Variants in MRTFA observed in about 807,000 individuals in gnomAD.
MRTFA encodes the protein myocardin-related transcription factor A.
Under a neutral mutation model 83.5 loss-of-function variants are expected in MRTFA, and 20 were observed. That is an observed-to-expected ratio of 0.24 (90% CI 0.17 to 0.35). The LOEUF (loss-of-function observed/expected upper bound fraction) is 0.35, where lower values mean the gene tolerates loss of function less well. Among genes scored for constraint, MRTFA ranks in the 10% least tolerant of loss-of-function variants. The probability of loss-of-function intolerance (pLI) is 1.00; values close to 1 mark genes in which losing one functional copy is unlikely to be tolerated. For missense variants in MRTFA, 1,200 were observed against 1,224.7 expected, an observed-to-expected ratio of 0.98 and a Z score of 0.30; for synonymous variants, 659 against 541.2, an observed-to-expected ratio of 1.22 and a Z score of -3.02.
chr22:40,461,731 G>A (rs945157784), intron 4 of MRTFA, among the ~76,000 whole-genome samples: 2 of 151,690 alleles, frequency 1.3e-5, no homozygotes, highest in Admixed American at 6.6e-5. Context: ...CCCGGGAGGC[G>A]GAGCTTGCAG....
intron 3 of MRTFA, among the ~76,000 whole-genome samples, chr22:40,481,952 C>T (rs1013000962): frequency 6.6e-6 from 1 of 151,302 alleles, no homozygotes; most frequent in African/African-American, 2.4e-5. Context: ...CCCAGCTACT[C>T]GGGAGGCTGA....
At chr22:40,540,517 C>A (rs780625843) in intron 3 of MRTFA, among the ~76,000 whole-genome samples, 1 of 152,054 alleles carries the variant, frequency 6.6e-6, no homozygotes, top group South Asian at 2.1e-4. Context: ...CCAGGCAGCG[C>A]GGTGGCTCAA....
chr22:40,622,248 G>A (rs1466640672), intron 1 of MRTFA, among the ~76,000 whole-genome samples: 1 of 152,162 alleles, frequency 6.6e-6, no homozygotes, highest in Non-Finnish European at 1.5e-5. Flanking sequence ...TTGGGAGGCT[G>A]AGGCAGGTAG....
At chr22:40,582,338 T>C (rs189939386) in intron 2 of MRTFA, among the ~76,000 whole-genome samples, 124 of 152,352 alleles carry the variant, frequency 8.1e-4, no homozygotes, top group African/African-American at 2.8e-3. Context: ...ATTTGGACTA[T>C]TCCATGTTTT....
intron 14 of MRTFA, 77 bp from the exon 15 acceptor site, chr22:40,411,984 C>T: frequency 8.0e-7 from 1 of 1,249,188 alleles, no homozygotes; most frequent in East Asian, 2.7e-5. Flanking sequence ...TGAAGGTGGA[C>T]CCCCCAACGT....
intron 4 of MRTFA, among the ~76,000 whole-genome samples, chr22:40,460,531 G>C (rs534012328): frequency 7.2e-5 from 11 of 152,320 alleles, no homozygotes; most frequent in Admixed American, 5.9e-4. Flanking sequence ...TCAATGCCTT[G>C]AGGGCAGATA....
intron 3 of MRTFA, among the ~76,000 whole-genome samples, chr22:40,469,587 A>C (rs1422744658): frequency 6.6e-6 from 1 of 152,226 alleles, no homozygotes; most frequent in East Asian, 1.9e-4. Context: ...GCAGACATAT[A>C]GGATTTGAAC....
intron 4 of MRTFA, among the ~76,000 whole-genome samples, chr22:40,456,644 G>A (rs967391870): frequency 1.3e-5 from 2 of 152,168 alleles, no homozygotes; most frequent in African/African-American, 4.8e-5. Context: ...CTGAGATTGC[G>A]CCACTGCACT....
intron 4 of MRTFA, 77 bp from the exon 5 acceptor site, chr22:40,435,631 CA>C: frequency 2.6e-6 from 4 of 1,522,808 alleles, no homozygotes; most frequent in Non-Finnish European, 3.6e-6. Flanking sequence ...GTGGAGAAGG[CA>C]TCTTAAATTC....
At chr22:40,455,758 GT>G (rs1432641140) in intron 4 of MRTFA, among the ~76,000 whole-genome samples, 1 of 151,846 alleles carries the variant, frequency 6.6e-6, no homozygotes, top group Admixed American at 6.6e-5. Context: ...TACAACAGGA[GT>G]TGGGGGACAC....
chr22:40,623,043 A>G (rs371356488), intron 1 of MRTFA, among the ~76,000 whole-genome samples: 1 of 152,218 alleles, frequency 6.6e-6, no homozygotes, highest in East Asian at 1.9e-4. Flanking sequence ...TTACTAAACT[A>G]AGGGAAACTC....
At chr22:40,546,031 C>T (rs1003604692) in intron 3 of MRTFA, among the ~76,000 whole-genome samples, 1 of 152,242 alleles carries the variant, frequency 6.6e-6, no homozygotes, top group Non-Finnish European at 1.5e-5. Context: ...CCGGCCACCA[C>T]TGAATTTCTA....
chr22:40,599,996 A>G (rs2056239688), intron 1 of MRTFA, among the ~76,000 whole-genome samples: 1 of 143,472 alleles, frequency 7.0e-6, no homozygotes, highest in African/African-American at 2.6e-5. Flanking sequence ...ATCAATTTAG[A>G]GGTTTGACTT....
intron 3 of MRTFA, among the ~76,000 whole-genome samples, chr22:40,514,514 G>A (rs143315697): frequency 6.3e-5 from 9 of 143,406 alleles, no homozygotes; most frequent in Non-Finnish European, 9.0e-5. Context: ...TCACTCTGTC[G>A]CCCAGGCTGG....
chr22:40,499,999 GGCTCAC>G (rs2054430913), intron 3 of MRTFA, among the ~76,000 whole-genome samples: 1 of 130,892 alleles, frequency 7.6e-6, no homozygotes, highest in East Asian at 2.7e-4. Context: ...TCGGCTCACC[GGCTCAC>G]CGCAACGTCC....
chr22:40,464,708 C>A (rs2053784225), intron 3 of MRTFA, among the ~76,000 whole-genome samples: 1 of 151,998 alleles, frequency 6.6e-6, no homozygotes. Context: ...TTTAGGGAGG[C>A]GTCCAAGAAT....
chr22:40,512,978 A>G (rs552973829), intron 3 of MRTFA, among the ~76,000 whole-genome samples: 1 of 152,344 alleles, frequency 6.6e-6, no homozygotes, highest in East Asian at 1.9e-4. Flanking sequence ...TTTGCTATGA[A>G]AAGAAATTTC....
At chr22:40,544,631 T>A (rs2055336166) in intron 3 of MRTFA, among the ~76,000 whole-genome samples, 1 of 152,068 alleles carries the variant, frequency 6.6e-6, no homozygotes, top group African/African-American at 2.4e-5. Flanking sequence ...AACAAACTAG[T>A]ATTCCGGATA....
At chr22:40,536,194 T>A in intron 3 of MRTFA, among the ~76,000 whole-genome samples, 1 of 151,100 alleles carries the variant, frequency 6.6e-6, no homozygotes, top group Non-Finnish European at 1.5e-5. Context: ...TCCCAGCTAC[T>A]TGGGAGGTTG....
Sources: allele counts gnomAD v4.1 joint callset (sites outside exome capture counted in the v4.1 genomes callset), GRCh38; gene constraint gnomAD v4.1.1; transcripts MANE v1.5; gene names NCBI Gene and HGNC (gene_info 2026-07-23, HGNC 2026-07-21).